LIMS1: variants seen among roughly 807,000 people sequenced by gnomAD.
LIMS1 encodes the protein LIM zinc finger domain containing 1, also known as LIM and senescent cell antigen-like-containing domain protein 1.
A neutral mutation model predicts 44.1 loss-of-function variants in LIMS1; 18 were observed. The observed-to-expected ratio is 0.41, with a 90% CI of 0.28 to 0.61. LIMS1 has a LOEUF of 0.61. Among genes scored for constraint, LIMS1 ranks in the 20% least tolerant of loss-of-function variants. The pLI is 0.32. For missense variants in LIMS1, 201 were observed against 422.0 expected, an observed-to-expected ratio of 0.48 and a Z score of 4.59; for synonymous variants, 93 against 149.1, an observed-to-expected ratio of 0.62 and a Z score of 2.74.
At chr2:108,650,050 A>G (rs942826680) in intron 1 of LIMS1, among the ~76,000 whole-genome samples, 8 of 152,208 alleles carry the variant, frequency 5.3e-5, no homozygotes, top group African/African-American at 1.4e-4. Flanking sequence ...ATTCTTCACC[A>G]AAAGCCACCT....
At chr2:108,665,348 A>AGTATT in intron 2 of LIMS1, among the ~76,000 whole-genome samples, 1 of 152,180 alleles carries the variant, frequency 6.6e-6, no homozygotes, top group South Asian at 2.1e-4. Flanking sequence ...CACAATGGTG[A>AGTATT]GTATTGTGTA....
chr2:108,559,534 T>C (rs966691179), intron 1 of LIMS1, among the ~76,000 whole-genome samples: 2 of 152,204 alleles, frequency 1.3e-5, no homozygotes, highest in Non-Finnish European at 2.9e-5. Context: ...AGCACAGTGC[T>C]AGGTTTATAT....
chr2:108,588,002 T>C (rs1368281358), intron 1 of LIMS1, among the ~76,000 whole-genome samples: 3 of 152,196 alleles, frequency 2.0e-5, no homozygotes, highest in Non-Finnish European at 4.4e-5. Flanking sequence ...TTCAAACATG[T>C]AGTTATTATA....
chr2:108,643,004 TCCATAAGTGAAACACGCAGTAGATGATC>T (rs1287971329), intron 1 of LIMS1, among the ~76,000 whole-genome samples: 3 of 152,114 alleles, frequency 2.0e-5, no homozygotes, highest in Non-Finnish European at 2.9e-5. Context: ...GGTCAATCAT[TCCATAAGTGAAACACGCAGTAGATGATC>T]AGAAAATGAC....
At chr2:108,640,185 G>A (rs1689572255) in intron 1 of LIMS1, among the ~76,000 whole-genome samples, 1 of 152,180 alleles carries the variant, frequency 6.6e-6, no homozygotes. Flanking sequence ...CTCAGGGAGT[G>A]TCATGGAGAA....
At chr2:108,578,973 A>G (rs1685782700) in intron 1 of LIMS1, among the ~76,000 whole-genome samples, 1 of 152,204 alleles carries the variant, frequency 6.6e-6, no homozygotes. Flanking sequence ...TTCCTCAAGA[A>G]TAAATTTAGT....
chr2:108,676,580 A>T (rs1176150114), intron 6 of LIMS1, 26 bp from the exon 7 acceptor site: 1 of 1,547,660 alleles, frequency 6.5e-7, no homozygotes, highest in African/African-American at 1.4e-5. Context: ...GCAATTCAAA[A>T]ATGACCTATA....
intron 1 of LIMS1, among the ~76,000 whole-genome samples, chr2:108,657,203 A>AG (rs1690929067): frequency 7.4e-6 from 1 of 135,378 alleles, no homozygotes; most frequent in African/African-American, 2.7e-5. Flanking sequence ...GTAGTTGGAA[A>AG]AGAGGACTTT....
At chr2:108,553,741 A>G (rs1440988049) in intron 1 of LIMS1, among the ~76,000 whole-genome samples, 6 of 152,186 alleles carry the variant, frequency 3.9e-5, no homozygotes, top group African/African-American at 1.4e-4. Context: ...TTCAGGCCGT[A>G]CACCCCCAGA....
intron 1 of LIMS1, among the ~76,000 whole-genome samples, chr2:108,534,881 A>G (rs1314246414): frequency 6.6e-6 from 1 of 152,160 alleles, no homozygotes; most frequent in African/African-American, 2.4e-5. Context: ...TTGCCGAGCT[A>G]ATCATTTATC....
intron 1 of LIMS1, among the ~76,000 whole-genome samples, chr2:108,577,057 C>T (rs997959782): frequency 3.3e-5 from 5 of 152,180 alleles, no homozygotes; most frequent in Admixed American, 3.3e-4. Flanking sequence ...TTCCAGAAAA[C>T]AGTACGATCT....
intron 1 of LIMS1, among the ~76,000 whole-genome samples, chr2:108,639,857 T>C (rs1689551552): frequency 6.6e-6 from 1 of 152,240 alleles, no homozygotes; most frequent in Non-Finnish European, 1.5e-5. Context: ...TTTTCTGCAA[T>C]AAGCTATATT....
At chr2:108,684,445 A>G (rs1231907752) in exon 10 of LIMS1, 2 of 152,236 alleles carry the variant, frequency 1.3e-5, no homozygotes, top group African/African-American at 4.8e-5. Flanking sequence ...AAAAACAAAA[A>G]CAAGAAAAAC....
intron 1 of LIMS1, among the ~76,000 whole-genome samples, chr2:108,642,333 GTGTTTTT>G (rs1332992078): frequency 1.6e-5 from 2 of 124,984 alleles, no homozygotes; most frequent in Admixed American, 8.4e-5. Context: ...TAAGCTACTA[GTGTTTTT>G]TGTTTTTTTT....
intron 1 of LIMS1, among the ~76,000 whole-genome samples, chr2:108,623,141 T>G (rs924740369): frequency 1.3e-5 from 2 of 152,148 alleles, no homozygotes; most frequent in African/African-American, 4.8e-5. Context: ...TCTCCTAATG[T>G]AGAGAAAATG....
chr2:108,626,191 C>A (rs1252294726), intron 1 of LIMS1, among the ~76,000 whole-genome samples: 1 of 152,128 alleles, frequency 6.6e-6, no homozygotes, highest in Non-Finnish European at 1.5e-5. Context: ...TTTGGCCCAA[C>A]TTTTAACTGA....
At chr2:108,662,307 G>A in intron 2 of LIMS1, 3 of 1,611,896 alleles carry the variant, frequency 1.9e-6, no homozygotes, top group African/African-American at 2.7e-5. Flanking sequence ...TTTAGGCCCT[G>A]TCAGCTGTGA....
At chr2:108,665,342 A>T (rs573021552) in intron 2 of LIMS1, among the ~76,000 whole-genome samples, 4 of 152,108 alleles carry the variant, frequency 2.6e-5, no homozygotes, top group Non-Finnish European at 4.4e-5. Context: ...TTGTAACACA[A>T]TGGTGAGTAT....
At chr2:108,625,819 C>T (rs1454935984) in intron 1 of LIMS1, among the ~76,000 whole-genome samples, 3 of 152,150 alleles carry the variant, frequency 2.0e-5, no homozygotes, top group Non-Finnish European at 4.4e-5. Context: ...AATAAACCTT[C>T]CAAGCTCATA....
Sources: gnomAD v4.1 joint callset for allele counts (sites outside exome capture counted in the v4.1 genomes callset) on GRCh38, gnomAD v4.1.1 for gene constraint, MANE v1.5 for transcripts, NCBI Gene and HGNC (gene_info 2026-07-23, HGNC 2026-07-21) for gene names.